Variants in IGF2BP3 observed in about 807,000 individuals in gnomAD.
The protein encoded by IGF2BP3 is insulin-like growth factor 2 mRNA-binding protein 3.
IGF2BP3 carries 9 observed loss-of-function variants against 73.8 expected under a neutral mutation model. That is an observed-to-expected ratio of 0.12 (90% CI 0.07 to 0.21). The LOEUF is 0.21. IGF2BP3 is among the 10% of genes least tolerant of loss of function. The probability of loss-of-function intolerance (pLI) is 1.00; values close to 1 mark genes in which losing one functional copy is unlikely to be tolerated. For synonymous variants in IGF2BP3, 258 were observed against 256.7 expected, an observed-to-expected ratio of 1.01 and a Z score of -0.05; for missense variants, 542 against 714.0, an observed-to-expected ratio of 0.76 and a Z score of 2.75.
intron 2 of IGF2BP3, among the ~76,000 whole-genome samples, chr7:23,423,912 G>T (rs932934201): frequency 6.6e-6 from 1 of 150,846 alleles, no homozygotes. Flanking sequence ...GAGGTCAGAA[G>T]TTCGAGACCA....
At chr7:23,326,220 G>GA (rs1206437983) in intron 10 of IGF2BP3, among the ~76,000 whole-genome samples, 4 of 151,936 alleles carry the variant, frequency 2.6e-5, no homozygotes, top group South Asian at 2.1e-4. Flanking sequence ...AAATTTACAG[G>GA]AAAAAAACAA....
intron 8 of IGF2BP3, among the ~76,000 whole-genome samples, chr7:23,344,146 G>A (rs1012975960): frequency 6.6e-6 from 1 of 152,194 alleles, no homozygotes; most frequent in African/African-American, 2.4e-5. Flanking sequence ...ACCGCTTAAA[G>A]TTGAACCATT....
chr7:23,351,873 A>G (rs1343545283), intron 5 of IGF2BP3, among the ~76,000 whole-genome samples: 1 of 152,136 alleles, frequency 6.6e-6, no homozygotes, highest in Non-Finnish European at 1.5e-5. Flanking sequence ...GAAAAACAAA[A>G]AACATTTTGT....
At chr7:23,405,652 G>T (rs979572014) in intron 3 of IGF2BP3, among the ~76,000 whole-genome samples, 27 of 152,186 alleles carry the variant, frequency 1.8e-4, no homozygotes, top group African/African-American at 6.0e-4. Context: ...GTACCCTATT[G>T]TGAACTGCGC....
intron 10 of IGF2BP3, among the ~76,000 whole-genome samples, chr7:23,323,453 TCC>T (rs1353442193): frequency 1.4e-5 from 2 of 144,814 alleles, no homozygotes; most frequent in African/African-American, 2.7e-5. Context: ...AGACTTAGAC[TCC>T]CACACATTAA....
At chr7:23,357,699 T>C (rs971499982) in intron 5 of IGF2BP3, among the ~76,000 whole-genome samples, 3 of 152,244 alleles carry the variant, frequency 2.0e-5, no homozygotes, top group Non-Finnish European at 2.9e-5. Flanking sequence ...TTTAAACTTG[T>C]CAAATTTTTA....
intron 10 of IGF2BP3, among the ~76,000 whole-genome samples, chr7:23,329,661 A>G (rs1341877536): frequency 2.0e-5 from 3 of 152,188 alleles, no homozygotes; most frequent in African/African-American, 7.2e-5. Context: ...AGATGGGTAA[A>G]AAGCATGCTG....
At chr7:23,325,676 T>TA (rs1307915802) in intron 10 of IGF2BP3, among the ~76,000 whole-genome samples, 2 of 152,166 alleles carry the variant, frequency 1.3e-5, no homozygotes, top group Non-Finnish European at 2.9e-5. Flanking sequence ...CAAACTATAC[T>TA]ACAAGGCTAC....
chr7:23,460,708 G>C (rs890639540), intron 2 of IGF2BP3, among the ~76,000 whole-genome samples: 3 of 152,126 alleles, frequency 2.0e-5, no homozygotes, highest in African/African-American at 7.2e-5. Flanking sequence ...CCAACACTTT[G>C]GGAGGCCGAG....
intron 3 of IGF2BP3, among the ~76,000 whole-genome samples, chr7:23,389,516 G>T (rs1786201305): frequency 6.6e-6 from 1 of 151,382 alleles, no homozygotes; most frequent in African/African-American, 2.4e-5. Flanking sequence ...AAAAAAGCAG[G>T]AAATTACATG....
At chr7:23,424,731 A>T (rs1787453679) in intron 2 of IGF2BP3, among the ~76,000 whole-genome samples, 1 of 152,146 alleles carries the variant, frequency 6.6e-6, no homozygotes, top group South Asian at 2.1e-4. Flanking sequence ...GGCCCTGCCT[A>T]TCTACAAAAA....
Position 23,378,525 on chromosome 7 carries a change from T to C in IGF2BP3, c.286-16784A>G, listed in dbSNP as rs1341774316. On this transcript the variant is annotated intron_variant, in intron 3 of 14. Transcript: ENST00000258729. ...CTCCTGTTTCAGCCTCCTAAGTAGC[T>C]GGGATTATGGGCGTGCACCACCATG... Among the ~76,000 whole-genome samples, 3 of 147,054 alleles carry C rather than the reference T, an allele frequency of 2.0e-5. No individual in the cohort carries two copies. The East Asian group carries it at 6.0e-4, about 29-fold the overall frequency.
chr7:23,321,182 T>C (rs1009178464), intron 10 of IGF2BP3, among the ~76,000 whole-genome samples: 3 of 151,898 alleles, frequency 2.0e-5, no homozygotes, highest in East Asian at 1.9e-4. Flanking sequence ...CACTAGGGAG[T>C]GCCAGACAGT....
intron 5 of IGF2BP3, among the ~76,000 whole-genome samples, chr7:23,360,048 A>G (rs1210077068): frequency 6.6e-6 from 1 of 151,526 alleles, no homozygotes; most frequent in African/African-American, 2.4e-5. Context: ...GAGAAGTGAA[A>G]AACACAAGAT....
intron 3 of IGF2BP3, 33 bp from the exon 4 acceptor site, chr7:23,361,774 T>G: frequency 1.3e-6 from 2 of 1,573,386 alleles, no homozygotes; most frequent in Non-Finnish European, 8.6e-7. Flanking sequence ...TTATAAATTT[T>G]GAGTTTCCCA....
chr7:23,377,041 C>T (rs1414641915), intron 3 of IGF2BP3, among the ~76,000 whole-genome samples: 1 of 151,620 alleles, frequency 6.6e-6, no homozygotes, highest in Non-Finnish European at 1.5e-5. Context: ...ACCAGTTACA[C>T]ATAGAACAGA....
At chr7:23,346,105 T>C (rs1244148802) in intron 7 of IGF2BP3, 43 bp from the exon 8 acceptor site, 2 of 1,573,884 alleles carry the variant, frequency 1.3e-6, no homozygotes, top group East Asian at 2.2e-5. Flanking sequence ...TAAGTAAACC[T>C]ATTCGTGGGT....
intron 5 of IGF2BP3, among the ~76,000 whole-genome samples, chr7:23,352,259 GA>G (rs1420365099): frequency 6.6e-6 from 1 of 151,280 alleles, no homozygotes; most frequent in Non-Finnish European, 1.5e-5. Flanking sequence ...CTATTTGGGG[GA>G]GAGTTTCTCT....
chr7:23,311,608 C>A lies in IGF2BP3; in HGVS notation c.*754G>T, dbSNP rs960571885. On this transcript the variant is annotated 3_prime_UTR_variant, in exon 15 of 15. Coordinates refer to ENST00000258729, the MANE Select transcript of IGF2BP3 (RefSeq NM_006547.3). ...TAACTGTGTCAAAAGCCTCAAAAAA[C>A]CCTGAAATTAATTTTCCAGCTTTAC... The A allele has an allele frequency of 2.0e-5, 3 of 152,348 alleles. No homozygotes were observed. Among genetic ancestry groups the A allele is most frequent in the South Asian group, 2.1e-4 (1 of 4,838 alleles). 9.4% of individuals were successfully genotyped at this position (152,348 alleles called of 1,614,324 possible).
Sources: allele counts gnomAD v4.1 joint callset (sites outside exome capture counted in the v4.1 genomes callset), GRCh38; gene constraint gnomAD v4.1.1; transcripts MANE v1.5; gene names NCBI Gene and HGNC (gene_info 2026-07-23, HGNC 2026-07-21).